The following TXNRD1 variants were observed in gnomAD, a reference collection of about 807,000 sequenced individuals.
The protein encoded by TXNRD1 is thioredoxin reductase 1, cytoplasmic.
Under a neutral mutation model 80.3 loss-of-function variants are expected in TXNRD1, and 57 were observed. The observed-to-expected ratio is 0.71, with a 90% CI of 0.57 to 0.89. TXNRD1 has a LOEUF of 0.89. Among genes scored for constraint, TXNRD1 ranks in the 40% least tolerant of loss-of-function variants. TXNRD1 has a pLI of 0.00. For synonymous variants in TXNRD1, 291 were observed against 285.2 expected, an observed-to-expected ratio of 1.02 and a Z score of -0.20; for missense variants, 730 against 803.0, an observed-to-expected ratio of 0.91 and a Z score of 1.10.
intron 1 of TXNRD1, among the ~76,000 whole-genome samples, chr12:104,228,762 C>T (rs1441169870): frequency 1.7e-4 from 26 of 152,120 alleles, no homozygotes; most frequent in Admixed American, 1.7e-3. Flanking sequence ...CTCTGTTGCC[C>T]AGGCTGGAGT....
chr12:104,273,836 G>C (rs1450566729), intron 3 of TXNRD1, among the ~76,000 whole-genome samples: 2 of 152,080 alleles, frequency 1.3e-5, no homozygotes, highest in Non-Finnish European at 2.9e-5. Flanking sequence ...TGAATCAAGA[G>C]GTCAGGAGAT....
At chr12:104,326,444 A>C (rs866048271) in intron 12 of TXNRD1, 21 bp downstream of exon 12, 2 of 1,139,208 alleles carry the variant, frequency 1.8e-6, no homozygotes, top group Non-Finnish European at 2.5e-6. Context: ...AATCTTTATT[A>C]TGTCATATTT....
Position 104,321,083 on chromosome 12 carries a change from TCC to T in TXNRD1, c.990-4_990-3del. On this transcript the variant is annotated splice_region_variant and splice_polypyrimidine_tract_variant and intron_variant, in intron 9 of 16. Coordinates refer to ENST00000525566, the MANE Select transcript of TXNRD1 (RefSeq NM_001093771.3). ...CTTCTTTCTTCCTTTTTTTTTTTTT[TCC>T]CCCAGTGATGATCTTTTCTCCTTGC... 6.6e-7 allele frequency: 1 copy of T among 1,504,618 alleles called. No individual in the cohort carries two copies. Among genetic ancestry groups the T allele is most frequent in the Non-Finnish European group, 9.0e-7 (1 of 1,104,978 alleles). The allele number at this position is 1,504,618 out of a possible 1,614,324, so 93.2% of individuals were successfully genotyped here.
chr12:104,267,765 T>G, intron 3 of TXNRD1, among the ~76,000 whole-genome samples: 1 of 141,316 alleles, frequency 7.1e-6, no homozygotes, highest in Non-Finnish European at 1.5e-5. Flanking sequence ...CCTCCCTCCC[T>G]TCCCTTTCCT....
At chr12:104,252,857 C>T (rs1373555408) in intron 2 of TXNRD1, among the ~76,000 whole-genome samples, 1 of 150,776 alleles carries the variant, frequency 6.6e-6, no homozygotes, top group East Asian at 1.9e-4. Flanking sequence ...TGCCCGCCAC[C>T]ACACCCCGCT....
intron 1 of TXNRD1, among the ~76,000 whole-genome samples, chr12:104,223,281 G>C (rs543558426): frequency 5.3e-5 from 8 of 152,310 alleles, no homozygotes; most frequent in African/African-American, 1.9e-4. Flanking sequence ...TGAGCAAATC[G>C]AAGGCTTGCT....
In TXNRD1 at chr12:104,308,878, A is replaced by G. The variant is rs117196303; in HGVS notation, c.415-2412A>G. ...GCACTTTCAATTTTAAGTTTGGTTA[A>G]AATTTTAAAAACAATGTTTCTTTTT... is the stretch of plus-strand genomic sequence containing the variant. On this transcript the variant is annotated intron_variant, in intron 4 of 16. Coordinates refer to ENST00000525566, the MANE Select transcript of TXNRD1 (RefSeq NM_001093771.3). 5.9e-3 allele frequency among the ~76,000 whole-genome samples: 889 copies of G among 151,038 alleles called. 5 individuals are homozygous for G. The highest frequency in any genetic ancestry group is 9.1e-3 in the Non-Finnish European group (620 of 67,888).
intron 4 of TXNRD1, among the ~76,000 whole-genome samples, chr12:104,300,412 C>A (rs374003787): frequency 1.3e-5 from 2 of 152,344 alleles, no homozygotes; most frequent in African/African-American, 4.8e-5. Flanking sequence ...ATAAGGTAGA[C>A]GCCACTGGTT....
At chr12:104,288,109 G>T (rs535084892) in intron 3 of TXNRD1, among the ~76,000 whole-genome samples, 313 of 152,230 alleles carry the variant, frequency 2.1e-3, no homozygotes, top group African/African-American at 7.3e-3. Context: ...TCCTGCCTCA[G>T]CCTCCTGAGT....
chr12:104,301,031 G>A (rs1036955403), intron 4 of TXNRD1, among the ~76,000 whole-genome samples: 4 of 152,178 alleles, frequency 2.6e-5, no homozygotes, highest in Admixed American at 6.5e-5. Context: ...AGTTCTTGGA[G>A]ATCTAGCATA....
intron 16 of TXNRD1, among the ~76,000 whole-genome samples, chr12:104,347,049 T>C (rs537597142): frequency 1.3e-5 from 2 of 152,236 alleles, no homozygotes; most frequent in East Asian, 3.9e-4. Context: ...GAGCCAAGAT[T>C]GTGCCGCTGC....
At chr12:104,228,524 G>C (rs1315192473) in intron 1 of TXNRD1, among the ~76,000 whole-genome samples, 1 of 151,366 alleles carries the variant, frequency 6.6e-6, no homozygotes, top group Non-Finnish European at 1.5e-5. Context: ...CCAGCTACTT[G>C]GGAGGCTGAG....
chr12:104,304,001 G>A (rs192415725), intron 4 of TXNRD1: 1 of 1,610,472 alleles, frequency 6.2e-7, no homozygotes, highest in Admixed American at 1.7e-5. Context: ...GGAGGCCGAC[G>A]TAGACCCAAA....
At chr12:104,236,031 G>A (rs190694365) in intron 1 of TXNRD1, among the ~76,000 whole-genome samples, 1 of 152,226 alleles carries the variant, frequency 6.6e-6, no homozygotes, top group African/African-American at 2.4e-5. Flanking sequence ...TTTAGGGAGG[G>A]TGAAAATCTT....
intron 3 of TXNRD1, among the ~76,000 whole-genome samples, chr12:104,261,154 T>C (rs188449076): frequency 6.6e-6 from 1 of 152,030 alleles, no homozygotes; most frequent in East Asian, 1.9e-4. Flanking sequence ...CTTCCCTTGC[T>C]CTTTCTTTCT....
At chr12:104,244,383 A>G (rs576016543) in intron 1 of TXNRD1, among the ~76,000 whole-genome samples, 4 of 152,346 alleles carry the variant, frequency 2.6e-5, no homozygotes, top group South Asian at 2.1e-4. Flanking sequence ...AAAGATTTCA[A>G]TGAATTTCTC....
intron 3 of TXNRD1, among the ~76,000 whole-genome samples, chr12:104,266,524 C>CAAAAAA (rs60829935): frequency 1.8e-5 from 2 of 111,484 alleles, no homozygotes; most frequent in East Asian, 3.0e-4. Context: ...GAATTCATCT[C>CAAAAAA]AAAAAAAAAA....
Position 104,303,889 on chromosome 12 carries a change from C to T in TXNRD1, c.415-7401C>T, listed in dbSNP as rs901663608. The T allele has an allele frequency of 6.5e-6, 10 of 1,530,306 alleles. No individual in the cohort carries two copies. The Middle Eastern group carries it at 7.1e-4, about 109-fold the overall frequency. The allele number at this position is 1,530,306 out of a possible 1,614,324, so 94.8% of individuals were successfully genotyped here. ...GAGAGGAGCAGCTCGTGATCATCCC[C>T]GGTAGCGAGTACGCGGCGAAGTAGG... On this transcript the variant is annotated intron_variant, in intron 4 of 16. Transcript: ENST00000525566.
chr12:104,227,994 A>G (rs1306811592), intron 1 of TXNRD1, among the ~76,000 whole-genome samples: 2 of 152,088 alleles, frequency 1.3e-5, no homozygotes, highest in African/African-American at 4.8e-5. Context: ...GCATTGGTAT[A>G]TAAGTTTTTT....
Sources: gnomAD v4.1 joint callset for allele counts (sites outside exome capture counted in the v4.1 genomes callset) on GRCh38, gnomAD v4.1.1 for gene constraint, MANE v1.5 for transcripts, NCBI Gene and HGNC (gene_info 2026-07-23, HGNC 2026-07-21) for gene names.